The following PAIP1 variants were observed in gnomAD, a reference collection of about 807,000 sequenced individuals.
PAIP1 encodes poly(A) binding protein interacting protein 1.
In PAIP1, 16 loss-of-function variants were observed where a neutral mutation model predicts 61.3. That is an observed-to-expected ratio of 0.26 (90% CI 0.18 to 0.40). The LOEUF is 0.40. PAIP1 is among the 10% of genes least tolerant of loss of function. PAIP1 has a pLI of 1.00. For missense variants in PAIP1, 416 were observed against 600.9 expected (o/e 0.69, Z 3.22); for synonymous variants, 187 against 226.2 (o/e 0.83, Z 1.56).
At chr5:43,550,057 A>C (rs536353199) in intron 2 of PAIP1, among the ~76,000 whole-genome samples, 1 of 151,360 alleles carries the variant, frequency 6.6e-6, no homozygotes, top group Non-Finnish European at 1.5e-5. Context: ...GATACTTAGC[A>C]AAAGTTGCAT....
intron 2 of PAIP1, among the ~76,000 whole-genome samples, chr5:43,550,145 T>C (rs572994903): frequency 1.1e-4 from 17 of 152,274 alleles, no homozygotes; most frequent in African/African-American, 3.6e-4. Context: ...TCACATATAG[T>C]GTTCATTGAA....
At chr5:43,536,774 C>T in intron 6 of PAIP1, 45 bp downstream of exon 6, 1 of 1,026,144 alleles carries the variant, frequency 9.7e-7, no homozygotes. Flanking sequence ...TCCTCTAAAT[C>T]ATAAGTAAAT....
intron 10 of PAIP1, among the ~76,000 whole-genome samples, chr5:43,529,129 GA>G (rs10665308): frequency 2.1e-5 from 3 of 142,688 alleles, no homozygotes; most frequent in Non-Finnish European, 1.5e-5. Flanking sequence ...TAGTTCTCAA[GA>G]AAAAAAAAAA....
intron 2 of PAIP1, among the ~76,000 whole-genome samples, chr5:43,549,015 A>G (rs998652243): frequency 2.0e-5 from 3 of 152,080 alleles, no homozygotes; most frequent in Non-Finnish European, 4.4e-5. Flanking sequence ...ATCTTGGCTC[A>G]CTGCAACCTC....
chr5:43,536,942 G>T lies in PAIP1; in HGVS notation c.849C>A (p.Ile283=). 1 of 1,563,164 alleles carries T rather than the reference G, an allele frequency of 6.4e-7. No homozygotes were observed. The highest frequency in any genetic ancestry group is 8.6e-7 in the Non-Finnish European group (1 of 1,159,652). Reference sequence around the variant, plus strand: ...TTGTAACCTGTCCATTTGTTCCCTTGATCTTTCGGGACCAAAAAAAAGAAC... The same window carrying T: ...TTGTAACCTGTCCATTTGTTCCCTTTATCTTTCGGGACCAAAAAAAAGAAC... The part of the protein sequence containing the change: ...FLGELYLNLE[I]KGTNGQVTRA... The change falls in exon 6 of 11, where the codon ATC becomes ATA. Residue 283 remains isoleucine (I), a splice_region_variant and synonymous_variant. Coordinates refer to ENST00000306846, the MANE Select transcript of PAIP1 (RefSeq NM_006451.5).
chr5:43,535,426 G>T, intron 7 of PAIP1, 108 bp downstream of exon 7: 1 of 682,010 alleles, frequency 1.5e-6, no homozygotes, highest in Non-Finnish European at 2.6e-6. Context: ...TTGTATATCC[G>T]TTAGCCATCA....
chr5:43,537,678 A>G (rs80150582), intron 5 of PAIP1, among the ~76,000 whole-genome samples: 2,712 of 152,174 alleles, frequency 0.018, 85 homozygotes, highest in African/African-American at 0.058. Flanking sequence ...GTATAAGCTT[A>G]TATCTGATAT....
intron 2 of PAIP1, among the ~76,000 whole-genome samples, chr5:43,552,670 CAG>C (rs543850675): frequency 2.2e-3 from 338 of 152,142 alleles, no homozygotes; most frequent in African/African-American, 7.8e-3. Context: ...ATTATCATTG[CAG>C]AGTCTCGGGA....
At chr5:43,544,992 TTCC>T (rs1747575118) in intron 3 of PAIP1, among the ~76,000 whole-genome samples, 1 of 152,222 alleles carries the variant, frequency 6.6e-6, no homozygotes, top group Admixed American at 6.5e-5. Context: ...ACTCTACTAT[TTCC>T]TCCTATCACA....
chr5:43,557,004 C>G lies in PAIP1; in HGVS notation c.-158G>C. ...GCCCCGGCTCGGCTGCTCGGTGCTT[C>G]TGGCGGAGCGGACGGCAGCCCGAGC... On this transcript the variant is annotated 5_prime_UTR_variant, in exon 1 of 11. Transcript: ENST00000306846. The G allele has an allele frequency of 8.3e-7, 1 of 1,203,594 alleles. No individual in the cohort carries two copies. The highest frequency in any genetic ancestry group is 1.0e-6 in the Non-Finnish European group (1 of 957,396). The allele number at this position is 1,203,594 out of a possible 1,614,324, so 74.6% of individuals were successfully genotyped here. A position where few individuals can be genotyped will look rare whatever the true frequency, so the allele number is the denominator to read the frequency against.
chr5:43,556,375 C>G (rs1403816541), intron 1 of PAIP1: 11 of 1,234,616 alleles, frequency 8.9e-6, no homozygotes, highest in Middle Eastern at 3.1e-4. Flanking sequence ...GGCCCCTCCC[C>G]CCAGCCAGGC....
intron 3 of PAIP1, among the ~76,000 whole-genome samples, 157 bp from the exon 4 acceptor site, chr5:43,543,273 T>C (rs1747487353): frequency 6.8e-6 from 1 of 147,410 alleles, no homozygotes; most frequent in African/African-American, 2.5e-5. Context: ...TAAATTCACT[T>C]TCCCTCCCAA....
At chr5:43,531,464 A>G (rs564339099) in intron 9 of PAIP1, among the ~76,000 whole-genome samples, 1 of 143,864 alleles carries the variant, frequency 7.0e-6, no homozygotes, top group South Asian at 2.3e-4. Flanking sequence ...CCTGACCAAC[A>G]TGGTGAAACC....
At chr5:43,534,383 G>A (rs1227632266) in intron 8 of PAIP1, among the ~76,000 whole-genome samples, 1 of 152,210 alleles carries the variant, frequency 6.6e-6, no homozygotes, top group Non-Finnish European at 1.5e-5. Flanking sequence ...AGTTTTAGTA[G>A]AGACGGGGTT....
chr5:43,545,618 C>T (rs1747606754), intron 3 of PAIP1, among the ~76,000 whole-genome samples: 1 of 152,176 alleles, frequency 6.6e-6, no homozygotes, highest in South Asian at 2.1e-4. Flanking sequence ...TCTGCCAAAT[C>T]AGGTACCACT....
At chr5:43,539,932 T>G (rs547393895) in intron 4 of PAIP1, among the ~76,000 whole-genome samples, 2 of 152,352 alleles carry the variant, frequency 1.3e-5, no homozygotes, top group South Asian at 4.1e-4. Flanking sequence ...TCTGGGAAAG[T>G]AACTTGCTTC....
At position 43,536,803 on chromosome 5, in the gene PAIP1, A is replaced by T. The variant is rs772623487; in HGVS notation, c.972+16T>A. The T allele has an allele frequency of 2.2e-5, 17 of 783,080 alleles. No individual in the cohort carries two copies. Among genetic ancestry groups the T allele is most frequent in the Admixed American group, 1.4e-4 (4 of 29,114 alleles). The allele number at this position is 783,080 out of a possible 1,614,324, so 48.5% of individuals were successfully genotyped here. ...AGTAAATACGTAAATTAGTTAAATT[A>T]AAAAAAAAAACCTACCTTTAACAAT... On this transcript the variant is annotated intron_variant, in intron 6 of 10. Coordinates refer to ENST00000306846, the MANE Select transcript of PAIP1 (RefSeq NM_006451.5).
In PAIP1 at chr5:43,556,910, G is replaced by A. The variant is rs1182614094; in HGVS notation, c.-64C>T. The A allele has an allele frequency of 1.5e-6, 2 of 1,326,588 alleles. No individual in the cohort carries two copies. The highest frequency in any genetic ancestry group is 1.9e-6 in the Non-Finnish European group (2 of 1,040,646). 82.2% of individuals were successfully genotyped at this position (1,326,588 alleles called of 1,614,324 possible). ...CGCTGCGCTCGCGATAGGACGCGGG[G>A]GGAAGGCGCCGCGGGTCGGCTATAG... On this transcript the variant is annotated 5_prime_UTR_variant, in exon 1 of 11. Transcript: ENST00000306846.
At chr5:43,540,885 C>G (rs1579916117) in intron 4 of PAIP1, among the ~76,000 whole-genome samples, 1 of 152,064 alleles carries the variant, frequency 6.6e-6, no homozygotes, top group East Asian at 1.9e-4. Context: ...AGGGTTCAGA[C>G]AGGATCTCGG....
Sources: allele counts gnomAD v4.1 joint callset (sites outside exome capture counted in the v4.1 genomes callset), GRCh38; gene constraint gnomAD v4.1.1; transcripts MANE v1.5; gene names NCBI Gene and HGNC (gene_info 2026-07-23, HGNC 2026-07-21).